Variants in FHIT observed in about 807,000 individuals in gnomAD.
FHIT encodes the protein fragile histidine triad diadenosine triphosphatase.
A neutral mutation model predicts 17.9 loss-of-function variants in FHIT; 19 were observed. The observed-to-expected ratio is 1.06, with a 90% CI of 0.74 to 1.56. The LOEUF is 1.56. Among genes scored for constraint, FHIT ranks in the 40% most tolerant of loss-of-function variants. FHIT has a pLI of 0.00. For missense variants in FHIT, 248 were observed against 189.2 expected, an observed-to-expected ratio of 1.31 and a Z score of -1.82; for synonymous variants, 81 against 69.7, an observed-to-expected ratio of 1.16 and a Z score of -0.81.
At position 59,747,541 on chromosome 3, in the gene FHIT, T is replaced by C. The variant is rs115986800; in HGVS notation, c.*2044A>G. On this transcript the variant is annotated 3_prime_UTR_variant, in exon 10 of 10. Coordinates refer to ENST00000492590, the MANE Select transcript of FHIT (RefSeq NM_002012.4). Reference sequence around the variant, plus strand: ...AGATGTGGGTGGGGAAACAGCCAAATCGTATAACTAGGTATGTCCACCCCA... The same window carrying C: ...AGATGTGGGTGGGGAAACAGCCAAACCGTATAACTAGGTATGTCCACCCCA... Among the ~76,000 whole-genome samples the C allele has an allele frequency of 0.014, 2,104 of 152,206 alleles. 49 individuals carry two copies. Among genetic ancestry groups the C allele is most frequent in the African/African-American group, 0.048 (1,992 of 41,532 alleles).
chr3:61,200,166 A>C (rs1270489651), intron 2 of FHIT, among the ~76,000 whole-genome samples: 1 of 152,180 alleles, frequency 6.6e-6, no homozygotes, highest in Admixed American at 6.5e-5. Context: ...TTTCTACAAA[A>C]CTGGCTCTTC....
intron 8 of FHIT, among the ~76,000 whole-genome samples, chr3:59,777,182 T>C (rs943157601): frequency 3.3e-5 from 5 of 152,148 alleles, no homozygotes; most frequent in African/African-American, 1.2e-4. Context: ...TTCTCAGCTC[T>C]CTTACTTTAT....
chr3:60,247,640 A>C lies in FHIT; in HGVS notation c.104-233488T>G. ...CTCTGGCTCTCAACTTATGAGTCTC[A>C]CATTTAGGCAAATTTTTATGAATTG... On this transcript the variant is annotated intron_variant, in intron 5 of 9. Transcript: ENST00000492590. Among the ~76,000 whole-genome samples, 2 of 152,146 alleles carry C rather than the reference A, an allele frequency of 1.3e-5. 1 individual carries two copies.
chr3:60,488,107 A>T (rs1359430601), intron 5 of FHIT, among the ~76,000 whole-genome samples: 4 of 152,188 alleles, frequency 2.6e-5, no homozygotes, highest in African/African-American at 9.6e-5. Flanking sequence ...CTTAAAGCAT[A>T]AAGGGAAGTG....
intron 8 of FHIT, among the ~76,000 whole-genome samples, chr3:59,866,635 C>T (rs1453131111): frequency 6.6e-6 from 1 of 152,040 alleles, no homozygotes; most frequent in African/African-American, 2.4e-5. Context: ...TGGGATATGT[C>T]TAAAAGTAAA....
At chr3:59,945,060 G>A (rs1274532750) in intron 7 of FHIT, among the ~76,000 whole-genome samples, 2 of 152,134 alleles carry the variant, frequency 1.3e-5, no homozygotes, top group South Asian at 2.1e-4. Context: ...GGATTGCTGG[G>A]CTGAATAGTA....
chr3:60,937,041 G>C (rs1708221956), intron 3 of FHIT, among the ~76,000 whole-genome samples: 1 of 152,100 alleles, frequency 6.6e-6, no homozygotes, highest in African/African-American at 2.4e-5. Context: ...GCTTACTCAA[G>C]ATGTATAACC....
intron 3 of FHIT, among the ~76,000 whole-genome samples, chr3:61,011,029 A>C (rs1575833996): frequency 6.6e-6 from 1 of 152,228 alleles, no homozygotes; most frequent in Non-Finnish European, 1.5e-5. Flanking sequence ...TCTTCACTTA[A>C]GGTAAACTTC....
chr3:59,769,179 A>G (rs1172405924), intron 8 of FHIT, among the ~76,000 whole-genome samples: 5 of 152,248 alleles, frequency 3.3e-5, no homozygotes, highest in African/African-American at 1.2e-4. Flanking sequence ...TAGAAGATCA[A>G]CAAGGAAGCT....
chr3:60,810,078 G>C (rs143881856), intron 4 of FHIT, among the ~76,000 whole-genome samples: 1 of 152,266 alleles, frequency 6.6e-6, no homozygotes, highest in Non-Finnish European at 1.5e-5. Flanking sequence ...CAGAGATTTC[G>C]CAAGACTAAA....
At chr3:59,831,177 T>C (rs1293030473) in intron 8 of FHIT, among the ~76,000 whole-genome samples, 1 of 152,194 alleles carries the variant, frequency 6.6e-6, no homozygotes, top group Non-Finnish European at 1.5e-5. Context: ...ATTCAATGAA[T>C]GTGAACCATT....
intron 5 of FHIT, among the ~76,000 whole-genome samples, chr3:60,473,551 G>T (rs948674296): frequency 6.6e-6 from 1 of 152,154 alleles, no homozygotes; most frequent in African/African-American, 2.4e-5. Context: ...AACCAATAGG[G>T]CTAACTACAA....
At chr3:60,004,433 C>T (rs748877702) in intron 7 of FHIT, among the ~76,000 whole-genome samples, 4 of 152,124 alleles carry the variant, frequency 2.6e-5, no homozygotes, top group Non-Finnish European at 4.4e-5. Context: ...TATAATTCTG[C>T]CATAAATTGA....
intron 4 of FHIT, among the ~76,000 whole-genome samples, chr3:60,802,801 C>T (rs1701238647): frequency 6.6e-6 from 1 of 151,854 alleles, no homozygotes; most frequent in South Asian, 2.1e-4. Context: ...ACTTAATGTA[C>T]ACTACGTTAG....
chr3:61,163,549 C>A (rs1400552214), intron 2 of FHIT, among the ~76,000 whole-genome samples: 1 of 152,184 alleles, frequency 6.6e-6, no homozygotes, highest in African/African-American at 2.4e-5. Context: ...TCCCCTGAAG[C>A]AGGCCATAAA....
intron 4 of FHIT, among the ~76,000 whole-genome samples, chr3:60,805,460 T>TCTG (rs1377222643): frequency 6.6e-6 from 1 of 152,142 alleles, no homozygotes; most frequent in Non-Finnish European, 1.5e-5. Context: ...TAGTATCTCC[T>TCTG]CTTCTTCTTC....
intron 4 of FHIT, among the ~76,000 whole-genome samples, chr3:60,793,915 C>T (rs1173026906): frequency 7.9e-5 from 12 of 152,156 alleles, no homozygotes; most frequent in Non-Finnish European, 1.3e-4. Flanking sequence ...GGTAAATACA[C>T]AGAAGCTGGG....
chr3:60,334,416 A>G (rs772767482), intron 5 of FHIT, among the ~76,000 whole-genome samples: 14 of 152,214 alleles, frequency 9.2e-5, no homozygotes, highest in Non-Finnish European at 1.6e-4. Flanking sequence ...ACTTTATATG[A>G]GGATGTTTAA....
intron 5 of FHIT, among the ~76,000 whole-genome samples, chr3:60,438,959 A>G (rs180933343): frequency 6.6e-6 from 1 of 152,318 alleles, no homozygotes; most frequent in East Asian, 1.9e-4. Context: ...TTAAGAATAT[A>G]AGAGACTGAT....
Sources: allele counts gnomAD v4.1 joint callset (sites outside exome capture counted in the v4.1 genomes callset), GRCh38; gene constraint gnomAD v4.1.1; transcripts MANE v1.5; gene names NCBI Gene and HGNC (gene_info 2026-07-23, HGNC 2026-07-21).